The following CTNNA1 variants were observed in gnomAD, a reference collection of about 807,000 sequenced individuals.
The protein encoded by CTNNA1 is catenin alpha-1.
In CTNNA1, 37 loss-of-function variants were observed where a neutral mutation model predicts 98.4. The observed-to-expected ratio is 0.38, with a 90% confidence interval of 0.29 to 0.49. The LOEUF is 0.49. CTNNA1 is among the 20% of genes least tolerant of loss of function. The pLI, the probability that CTNNA1 is intolerant of heterozygous loss-of-function variation, is 0.95. For synonymous variants in CTNNA1, 404 were observed against 413.2 expected, an observed-to-expected ratio of 0.98 and a Z score of 0.27; for missense variants, 761 against 1,147.2, an observed-to-expected ratio of 0.66 and a Z score of 4.86.
At chr5:138,887,329 G>C (rs1467464448) in intron 8 of CTNNA1, among the ~76,000 whole-genome samples, 161 bp from the exon 9 acceptor site, 1 of 152,098 alleles carries the variant, frequency 6.6e-6, no homozygotes, top group Non-Finnish European at 1.5e-5. Flanking sequence ...TTCCTGTGTT[G>C]TAGATTATGT....
chr5:138,763,200 C>CT (rs367563007), intron 1 of CTNNA1, among the ~76,000 whole-genome samples: 1 of 152,160 alleles, frequency 6.6e-6, no homozygotes, highest in East Asian at 1.9e-4. Context: ...CTAGGTTAGA[C>CT]TACATACAGA....
Position 138,781,413 on chromosome 5 carries a change from G to A in CTNNA1, c.-2-510G>A, listed in dbSNP as rs191546509. On this transcript the variant is annotated intron_variant, in intron 1 of 17. Transcript: ENST00000302763. ...TACTAAAAATGCAAAAAAATTAGCC[G>A]GGCGTGGTGGCGGGCCCCTGTAGTC... Among the ~76,000 whole-genome samples, 4 of 152,182 alleles carry A rather than the reference G, an allele frequency of 2.6e-5. 1 individual carries two copies. Among genetic ancestry groups the A allele is most frequent in the Admixed American group, 2.0e-4 (3 of 15,292 alleles).
intron 4 of CTNNA1, among the ~76,000 whole-genome samples, chr5:138,811,113 T>A (rs1758697132): frequency 6.6e-6 from 1 of 151,638 alleles, no homozygotes; most frequent in African/African-American, 2.4e-5. Context: ...GCTCCTCATT[T>A]CTCAGATGGG....
At chr5:138,893,628 ATTTG>A (rs1239129096) in intron 9 of CTNNA1, among the ~76,000 whole-genome samples, 19 of 149,632 alleles carry the variant, frequency 1.3e-4, no homozygotes, top group Non-Finnish European at 1.3e-4. Flanking sequence ...TTTAAAATTT[ATTTG>A]TTTATTTTTG....
chr5:138,753,701 T>G (rs1355981993), intron 1 of CTNNA1, 191 bp downstream of exon 1: 17 of 306,052 alleles, frequency 5.6e-5, no homozygotes, highest in East Asian at 1.0e-4. Context: ...CGGCGGTCCC[T>G]TCCCCCGCAG....
At chr5:138,880,482 C>T (rs1752645392) in intron 7 of CTNNA1, among the ~76,000 whole-genome samples, 1 of 152,206 alleles carries the variant, frequency 6.6e-6, no homozygotes, top group Admixed American at 6.5e-5. Context: ...ATGTTTATGG[C>T]AACCTCCCCG....
chr5:138,776,762 C>T, intron 1 of CTNNA1, among the ~76,000 whole-genome samples: 1 of 149,064 alleles, frequency 6.7e-6, no homozygotes, highest in South Asian at 2.1e-4. Flanking sequence ...GCAGAAGCGC[C>T]CCTCACCTCC....
chr5:138,874,615 G>T lies in CTNNA1; in HGVS notation c.1063-11597G>T. ...AGGATATTTTTCAGCAGAACATATG[G>T]GCTATTTAAAAAAAACAACCACCAC... On this transcript the variant is annotated intron_variant, in intron 7 of 17. Coordinates refer to ENST00000302763, the MANE Select transcript of CTNNA1 (RefSeq NM_001903.5). This position sits in a 1 kb window ranked among gnomAD's most constrained non-coding sequence, Gnocchi z 4.1. 1 of 1,098,246 alleles carries T rather than the reference G, an allele frequency of 9.1e-7. No individual in the cohort carries two copies. Among genetic ancestry groups the T allele is most frequent in the Non-Finnish European group, 1.3e-6 (1 of 783,644 alleles). 68.0% of individuals were successfully genotyped at this position (1,098,246 alleles called of 1,614,324 possible). A position where few individuals can be genotyped will look rare whatever the true frequency, so the allele number is the denominator to read the frequency against.
At chr5:138,825,463 G>T (rs2149779047) in intron 6 of CTNNA1, among the ~76,000 whole-genome samples, 1 of 117,522 alleles carries the variant, frequency 8.5e-6, no homozygotes, top group East Asian at 3.2e-4. Context: ...TTGGCTTCCA[G>T]TAGATGGCAG....
intron 7 of CTNNA1, among the ~76,000 whole-genome samples, chr5:138,879,171 T>TAAAAAAAAA (rs35271091): frequency 2.5e-5 from 2 of 80,318 alleles, no homozygotes; most frequent in Non-Finnish European, 4.5e-5. Flanking sequence ...ACTCCGTCTT[T>TAAAAAAAAA]AAAAAAAAAA....
intron 7 of CTNNA1, among the ~76,000 whole-genome samples, chr5:138,853,675 A>T (rs1763454855): frequency 6.6e-6 from 1 of 152,222 alleles, no homozygotes. Flanking sequence ...ACTAGGAAAG[A>T]TGTGTAAGGA....
At chr5:138,779,704 C>A (rs1265029790) in intron 1 of CTNNA1, among the ~76,000 whole-genome samples, 1 of 135,502 alleles carries the variant, frequency 7.4e-6, no homozygotes, top group African/African-American at 2.8e-5. Context: ...ACTGATAACA[C>A]TGGTTTTTTT....
chr5:138,817,103 G>T (rs771331007), intron 5 of CTNNA1, among the ~76,000 whole-genome samples: 3 of 152,146 alleles, frequency 2.0e-5, no homozygotes, highest in Admixed American at 6.5e-5. Context: ...TGAATAGTTT[G>T]CACATATTTT....
chr5:138,868,526 A>G (rs775613357), intron 7 of CTNNA1, among the ~76,000 whole-genome samples: 32 of 152,266 alleles, frequency 2.1e-4, no homozygotes, highest in Non-Finnish European at 3.8e-4. Context: ...GGCTAGATAC[A>G]GGCAATTGGT....
intron 7 of CTNNA1, among the ~76,000 whole-genome samples, chr5:138,851,939 G>A (rs1561593522): frequency 6.7e-6 from 1 of 148,984 alleles, no homozygotes; most frequent in Non-Finnish European, 1.5e-5. Context: ...GCATGATGGC[G>A]CGTGCCTGTA....
At chr5:138,890,359 A>G (rs1329726320) in intron 9 of CTNNA1, among the ~76,000 whole-genome samples, 1 of 152,140 alleles carries the variant, frequency 6.6e-6, no homozygotes, top group Non-Finnish European at 1.5e-5. Context: ...ATTTGCCTTC[A>G]CTTCACATGT....
At chr5:138,865,740 A>AT (rs1160354043) in intron 7 of CTNNA1, among the ~76,000 whole-genome samples, 1 of 152,204 alleles carries the variant, frequency 6.6e-6, no homozygotes, top group Non-Finnish European at 1.5e-5. Flanking sequence ...ACGTTCTTGC[A>AT]TCCTGAAACG....
At chr5:138,886,359 A>C (rs1051859392) in intron 8 of CTNNA1, 67 bp downstream of exon 8, 5 of 1,475,712 alleles carry the variant, frequency 3.4e-6, no homozygotes, top group Non-Finnish European at 4.6e-6. Context: ...TTAAAATCCT[A>C]ATAAGCACTG....
chr5:138,796,415 G>T (rs1756976231), intron 3 of CTNNA1, among the ~76,000 whole-genome samples: 1 of 152,088 alleles, frequency 6.6e-6, no homozygotes, highest in African/African-American at 2.4e-5. Flanking sequence ...GCGGTGGCGG[G>T]CACCTGTAGT....
Sources: gnomAD v4.1 joint callset for allele counts (sites outside exome capture counted in the v4.1 genomes callset) on GRCh38, gnomAD v4.1.1 for gene constraint, Gnocchi (gnomAD v3.1) non-coding constraint, MANE v1.5 for transcripts, NCBI Gene and HGNC (gene_info 2026-07-23, HGNC 2026-07-21) for gene names.